Variants in NACC2 observed in about 807,000 individuals in gnomAD.
The protein encoded by NACC2 is nucleus accumbens-associated protein 2.
NACC2 carries 8 observed loss-of-function variants against 25.1 expected under a neutral mutation model. The observed-to-expected ratio is 0.32, with a 90% CI of 0.19 to 0.57. The LOEUF (loss-of-function observed/expected upper bound fraction) is 0.57. Among genes scored for constraint, NACC2 ranks in the 20% least tolerant of loss-of-function variants. NACC2 has a pLI of 0.89. For missense variants in NACC2, 644 were observed against 650.2 expected (o/e 0.99, Z 0.10); for synonymous variants, 435 against 294.7 (o/e 1.48, Z -4.88).
chr9:136,061,220 G>A (rs1429899013), intron 1 of NACC2, among the ~76,000 whole-genome samples: 5 of 152,244 alleles, frequency 3.3e-5, no homozygotes, highest in Non-Finnish European at 1.5e-5. Flanking sequence ...CTGCCTGGTC[G>A]GGAGGGACAG....
intron 2 of NACC2, among the ~76,000 whole-genome samples, chr9:136,033,465 G>GAAACCCCTACTAAACCCCTACT (rs11273841): frequency 6.6e-6 from 1 of 151,076 alleles, no homozygotes; most frequent in Non-Finnish European, 1.5e-5. Flanking sequence ...CGAACATGGT[G>GAAACCCCTACTAAACCCCTACT]AAACCCCTAC....
intron 1 of NACC2, among the ~76,000 whole-genome samples, chr9:136,061,021 G>A (rs1199099759): frequency 2.0e-5 from 3 of 152,210 alleles, no homozygotes; most frequent in African/African-American, 7.2e-5. Flanking sequence ...CACAGGGTGG[G>A]GACAAGGGCC....
chr9:136,022,689 C>T lies in NACC2; in HGVS notation c.887-6260G>A, dbSNP rs902551425. 2.6e-5 allele frequency among the ~76,000 whole-genome samples: 4 copies of T among 152,136 alleles called. No homozygotes were observed. Among genetic ancestry groups the T allele is most frequent in the Non-Finnish European group, 5.9e-5 (4 of 68,032 alleles). On this transcript the variant is annotated intron_variant, in intron 2 of 5. Coordinates refer to ENST00000277554, the MANE Select transcript of NACC2 (RefSeq NM_144653.5). The surrounding 1 kb of genome is among the most constrained non-coding windows in gnomAD (Gnocchi z 4.4). ...CCTGGCACACAGCATGCGCCTAACA[C>T]ACAGGGCCCATCAACTACCAGTGCT...
intron 1 of NACC2, among the ~76,000 whole-genome samples, chr9:136,083,123 A>G (rs1830341241): frequency 6.6e-6 from 1 of 152,216 alleles, no homozygotes; most frequent in Non-Finnish European, 1.5e-5. Flanking sequence ...CTCTTCCTCG[A>G]TGCCAGAAAC....
chr9:136,061,148 C>A (rs935971834), intron 1 of NACC2, among the ~76,000 whole-genome samples: 2 of 152,192 alleles, frequency 1.3e-5, no homozygotes, highest in Admixed American at 1.3e-4. Flanking sequence ...CCCCTAAACC[C>A]CATCCGGGTC....
chr9:136,068,027 G>T (rs1210685385), intron 1 of NACC2, among the ~76,000 whole-genome samples: 1 of 152,176 alleles, frequency 6.6e-6, no homozygotes, highest in Admixed American at 6.5e-5. Context: ...TAGGATAAAA[G>T]ATTAAAAATG....
chr9:136,058,991 G>A (rs1840970685), intron 1 of NACC2, among the ~76,000 whole-genome samples: 4 of 152,216 alleles, frequency 2.6e-5, no homozygotes, highest in South Asian at 2.1e-4. Context: ...CCTGGGCCCC[G>A]CCCTCCTGTC....
At chr9:136,046,973 G>A (rs1176841727) in intron 2 of NACC2, among the ~76,000 whole-genome samples, 3 of 152,174 alleles carry the variant, frequency 2.0e-5, no homozygotes, top group African/African-American at 7.2e-5. Context: ...ACAGGCACAC[G>A]CATTACCACA....
chr9:136,045,438 C>T (rs1223758044), intron 2 of NACC2, among the ~76,000 whole-genome samples: 7 of 118,070 alleles, frequency 5.9e-5, no homozygotes, highest in Non-Finnish European at 1.1e-4. Flanking sequence ...GTGTCAATAC[C>T]CAGGCGTGGC....
chr9:136,063,214 G>A (rs748055458), intron 1 of NACC2, among the ~76,000 whole-genome samples: 1 of 152,162 alleles, frequency 6.6e-6, no homozygotes, highest in Non-Finnish European at 1.5e-5. Context: ...AGCAGCTCCC[G>A]GGACCCCTGG....
At chr9:136,049,574 C>T (rs966795619) in intron 2 of NACC2, 62 bp downstream of exon 2, 88 of 723,430 alleles carry the variant, frequency 1.2e-4, no homozygotes, top group African/African-American at 9.0e-4. Context: ...CTGAGCCACC[C>T]GGGTCCCAGG....
In NACC2 at chr9:136,037,858, TA is replaced by T. The variant is rs542731470; in HGVS notation, c.886+11777del. On this transcript the variant is annotated intron_variant, in intron 2 of 5. Coordinates refer to ENST00000277554, the MANE Select transcript of NACC2 (RefSeq NM_144653.5). ...TTAACCTAAGAGTAGGTTATATGGT[TA>T]AAAAAAAAATGAAAACTTAAGTGCA... is the stretch of plus-strand genomic sequence containing the variant. 3.7e-3 allele frequency among the ~76,000 whole-genome samples: 556 copies of T among 149,768 alleles called. 4 individuals are homozygous for T. Among genetic ancestry groups the T allele is most frequent in the African/African-American group, 0.012 (500 of 40,852 alleles).
rs370502522 is a variant in NACC2, at chr9:136,083,715, T to G, written c.-60+11474A>C. Among the ~76,000 whole-genome samples the G allele has an allele frequency of 3.2e-3, 483 of 152,330 alleles. 3 individuals carry two copies. The highest frequency in any genetic ancestry group is 0.011 in the African/African-American group (449 of 41,572). On this transcript the variant is annotated intron_variant, in intron 1 of 5. Transcript: ENST00000277554. The stretch of plus-strand genomic sequence containing the variant: ...CCGAGACACTGTGGCCTGGGGCTTT[T>G]GGCCTCCACCGCTGTGCAAGAAGAA...
intron 2 of NACC2, among the ~76,000 whole-genome samples, chr9:136,024,536 CAG>C (rs1840358230): frequency 1.7e-5 from 1 of 59,272 alleles, no homozygotes; most frequent in African/African-American, 6.4e-5. Context: ...TGTGTGTGGA[CAG>C]TGTGTGTGAG....
intron 2 of NACC2, among the ~76,000 whole-genome samples, chr9:136,045,367 C>T (rs1340692573): frequency 1.6e-5 from 2 of 127,768 alleles, no homozygotes; most frequent in East Asian, 3.0e-4. Context: ...CACGGGCCCA[C>T]GGGCCCTGTG....
intron 1 of NACC2, among the ~76,000 whole-genome samples, chr9:136,062,743 C>T (rs1376888905): frequency 3.3e-5 from 5 of 152,090 alleles, no homozygotes; most frequent in Non-Finnish European, 7.4e-5. Flanking sequence ...GGCGAAACCC[C>T]ATCTCTACAA....
intron 2 of NACC2, among the ~76,000 whole-genome samples, chr9:136,028,192 CAGAG>C (rs1489875609): frequency 4.2e-5 from 6 of 141,990 alleles, no homozygotes; most frequent in Non-Finnish European, 9.1e-5. Context: ...GCCTGAGTGA[CAGAG>C]AGAAACTCCA....
In NACC2 at chr9:136,050,477, T is replaced by A; in HGVS notation, c.45A>T (p.Thr15=). The A allele has an allele frequency of 1.3e-6, 1 of 765,508 alleles. No homozygotes were observed. Among genetic ancestry groups the A allele is most frequent in the Non-Finnish European group, 2.4e-6 (1 of 417,498 alleles). The allele number at this position is 765,508 out of a possible 1,614,324, so 47.4% of individuals were successfully genotyped here. ...GCTGCTCGTTCAGGCAGCCCAGCACTGTGTTCCCGAAGTTGGGGATCTCGA... is the reference window on the plus strand; with the variant it reads ...GCTGCTCGTTCAGGCAGCCCAGCACAGTGTTCCCGAAGTTGGGGATCTCGA... ...LHIEIPNFGN[T]VLGCLNEQRL... is the part of the protein sequence containing the mutation. The change falls in exon 2 of 6, where the codon ACA becomes ACT. Residue 15 remains threonine (T), a synonymous_variant. Coordinates refer to ENST00000277554, the MANE Select transcript of NACC2 (RefSeq NM_144653.5).
Position 136,090,832 on chromosome 9 carries a change from G to C in NACC2, c.-60+4357C>G, listed in dbSNP as rs533600682. Among the ~76,000 whole-genome samples, 37 of 151,254 alleles carry C rather than the reference G, an allele frequency of 2.4e-4. 2 individuals are homozygous for C. In the South Asian group the frequency reaches 7.3e-3, roughly 30 times the overall value. ...GGCCCCGGTGGCTGAGCTGGGGCCGGCCAGCCCTGGGCTTGGGAGGCATCT... is the reference window on the plus strand; with the variant it reads ...GGCCCCGGTGGCTGAGCTGGGGCCGCCCAGCCCTGGGCTTGGGAGGCATCT... On this transcript the variant is annotated intron_variant, in intron 1 of 5. Coordinates refer to ENST00000277554, the MANE Select transcript of NACC2 (RefSeq NM_144653.5).
Sources: gnomAD v4.1 joint callset for allele counts (sites outside exome capture counted in the v4.1 genomes callset) on GRCh38, gnomAD v4.1.1 for gene constraint, Gnocchi (gnomAD v3.1) non-coding constraint, MANE v1.5 for transcripts, NCBI Gene and HGNC (gene_info 2026-07-23, HGNC 2026-07-21) for gene names.